NBAS: variants seen among roughly 807,000 people sequenced by gnomAD.
NBAS encodes the protein NAG/BC035112 fusion.
A neutral mutation model predicts 302.5 loss-of-function variants in NBAS; 219 were observed. The ratio of observed to expected loss-of-function variants is 0.72; its 90% confidence interval spans 0.65 to 0.81. The LOEUF (loss-of-function observed/expected upper bound fraction) is 0.81. Among genes scored for constraint, NBAS ranks in the 30% least tolerant of loss-of-function variants. The probability of loss-of-function intolerance (pLI) is 0.00; values close to 1 mark genes in which losing one functional copy is unlikely to be tolerated. For missense variants in NBAS, 2,932 were observed against 2,841.6 expected (o/e 1.03, Z -0.72); for synonymous variants, 1,118 against 1,021.6 (o/e 1.09, Z -1.80).
the NBAS span, among the ~76,000 whole-genome samples, chr2:14,911,074 T>G: frequency 1.3e-5 from 2 of 152,224 alleles, no homozygotes; most frequent in African/African-American, 4.8e-5. Flanking sequence ...AACTTGTCTC[T>G]CTGTTCCTTC....
At chr2:15,372,499 T>G (rs1359973289) in intron 31 of NBAS, among the ~76,000 whole-genome samples, 1 of 152,144 alleles carries the variant, frequency 6.6e-6, no homozygotes, top group Non-Finnish European at 1.5e-5. Flanking sequence ...AAACCATAAA[T>G]TTCTAAATAT....
chr2:14,877,915 A>G, the NBAS span, among the ~76,000 whole-genome samples: 1 of 152,130 alleles, frequency 6.6e-6, no homozygotes, highest in African/African-American at 2.4e-5. Flanking sequence ...TCTTCCTCCA[A>G]TATATTAATA....
chr2:15,076,464 T>C, the NBAS span, among the ~76,000 whole-genome samples: 1 of 152,188 alleles, frequency 6.6e-6, no homozygotes, highest in Non-Finnish European at 1.5e-5. Flanking sequence ...ATAAAATTTT[T>C]GTGAAGGTGT....
intron 51 of NBAS, among the ~76,000 whole-genome samples, chr2:15,172,743 T>C (rs1009130453): frequency 2.0e-5 from 3 of 152,172 alleles, no homozygotes; most frequent in Non-Finnish European, 2.9e-5. Flanking sequence ...ATGTGAGAAA[T>C]AAATATGAGA....
intron 16 of NBAS, among the ~76,000 whole-genome samples, 180 bp downstream of exon 16, chr2:15,473,042 T>C (rs753381000): frequency 6.6e-6 from 1 of 152,114 alleles, no homozygotes; most frequent in Non-Finnish European, 1.5e-5. Context: ...AGCATCAAAG[T>C]CCAGTTGCAG....
the NBAS span, among the ~76,000 whole-genome samples, chr2:15,012,983 A>C: frequency 1.3e-5 from 2 of 152,040 alleles, no homozygotes; most frequent in South Asian, 2.1e-4. Flanking sequence ...TCAGCCTCCC[A>C]AGTAGCTGGG....
the NBAS span, among the ~76,000 whole-genome samples, chr2:15,007,767 T>C: frequency 2.2e-4 from 34 of 152,172 alleles, no homozygotes; most frequent in Non-Finnish European, 4.3e-4. Flanking sequence ...TAAAGACCAT[T>C]AAGTAACAAA....
chr2:14,783,103 C>T, the NBAS span, among the ~76,000 whole-genome samples: 136 of 151,652 alleles, frequency 9.0e-4, 3 homozygotes, highest in East Asian at 0.021. Flanking sequence ...ACCCCTGAAC[C>T]GAAAATAAAA....
chr2:15,406,103 T>TAAAAAAAAAAAAAAAAAAAAAAA (rs71400653), intron 25 of NBAS, among the ~76,000 whole-genome samples: 3 of 115,054 alleles, frequency 2.6e-5, no homozygotes, highest in African/African-American at 3.5e-5. Context: ...CAATAACATG[T>TAAAAAAAAAAAAAAAAAAAAAAA]AAAAAAAAAA....
the NBAS span, among the ~76,000 whole-genome samples, chr2:15,062,412 A>T: frequency 2.0e-4 from 30 of 152,336 alleles, no homozygotes; most frequent in South Asian, 3.3e-3. Context: ...AGGATATTTT[A>T]AAACCCCATG....
chr2:15,034,062 A>AGG, the NBAS span, among the ~76,000 whole-genome samples: 1 of 91,270 alleles, frequency 1.1e-5, no homozygotes, highest in African/African-American at 5.1e-5. Context: ...GAGGAGGAGG[A>AGG]GGGGAAGGAG....
chr2:14,835,074 T>G, the NBAS span, among the ~76,000 whole-genome samples: 1 of 151,804 alleles, frequency 6.6e-6, no homozygotes, highest in South Asian at 2.1e-4. Flanking sequence ...GAAGGATGAG[T>G]CAATGATGAC....
the NBAS span, among the ~76,000 whole-genome samples, chr2:15,083,627 C>G: frequency 6.6e-6 from 1 of 152,140 alleles, no homozygotes; most frequent in South Asian, 2.1e-4. Context: ...CTGCTTGTAC[C>G]AACATAATAT....
At position 15,382,551 on chromosome 2, in the gene NBAS, G is replaced by A. The variant is rs143076748; in HGVS notation, c.3360+664C>T. On this transcript the variant is annotated intron_variant, in intron 29 of 51. Transcript: ENST00000281513. ...GTAAAGGAAAGAGGAATATATTCCAGGCCAAGGGAACAACGTGTGCAAAGT... is the reference window on the plus strand; with the variant it reads ...GTAAAGGAAAGAGGAATATATTCCAAGCCAAGGGAACAACGTGTGCAAAGT... Among the ~76,000 whole-genome samples the A allele has an allele frequency of 2.8e-3, 422 of 152,262 alleles. 1 individual carries two copies. Among genetic ancestry groups the A allele is most frequent in the African/African-American group, 9.8e-3 (409 of 41,534 alleles).
intron 42 of NBAS, among the ~76,000 whole-genome samples, chr2:15,284,958 C>T (rs1669974114): frequency 1.3e-5 from 2 of 152,114 alleles, no homozygotes; most frequent in Non-Finnish European, 2.9e-5. Context: ...CACTCGATTG[C>T]CTGATAATTT....
intron 9 of NBAS, among the ~76,000 whole-genome samples, chr2:15,529,312 C>A (rs907542759): frequency 6.6e-6 from 1 of 151,982 alleles, no homozygotes; most frequent in Non-Finnish European, 1.5e-5. Flanking sequence ...TCAGCCTGAG[C>A]AACATGGTGA....
chr2:14,852,798 C>G, the NBAS span, among the ~76,000 whole-genome samples: 1 of 142,624 alleles, frequency 7.0e-6, no homozygotes. Flanking sequence ...CTTTGACAAA[C>G]CTGAGAAAAA....
At chr2:15,251,474 C>T (rs1256684363) in intron 44 of NBAS, among the ~76,000 whole-genome samples, 2 of 152,066 alleles carry the variant, frequency 1.3e-5, no homozygotes, top group Admixed American at 6.6e-5. Context: ...AACAAACAAA[C>T]AAACAAAGTC....
chr2:14,868,640 C>T, the NBAS span, among the ~76,000 whole-genome samples: 1 of 152,110 alleles, frequency 6.6e-6, no homozygotes, highest in African/African-American at 2.4e-5. Context: ...GTGGTTTCTT[C>T]AGTGATTGCA....
Sources: allele counts gnomAD v4.1 joint callset (sites outside exome capture counted in the v4.1 genomes callset), GRCh38; gene constraint gnomAD v4.1.1; transcripts MANE v1.5; gene names NCBI Gene and HGNC (gene_info 2026-07-23, HGNC 2026-07-21).